The following MARCHF6 variants were observed in gnomAD, a reference collection of about 807,000 sequenced individuals.
MARCHF6 encodes membrane associated ring-CH-type finger 6, also known as E3 ubiquitin-protein ligase MARCHF6.
A neutral mutation model predicts 133.7 loss-of-function variants in MARCHF6; 31 were observed. The ratio of observed to expected loss-of-function variants is 0.23; its 90% CI spans 0.17 to 0.31. MARCHF6 has a LOEUF of 0.31. Among genes scored for constraint, MARCHF6 ranks in the 10% least tolerant of loss-of-function variants. The pLI is 1.00. For missense variants in MARCHF6, 723 were observed against 1,121.6 expected, an observed-to-expected ratio of 0.64 and a Z score of 5.08; for synonymous variants, 395 against 402.5, an observed-to-expected ratio of 0.98 and a Z score of 0.22.
Position 10,376,698 on chromosome 5 carries a change from G to A in MARCHF6, c.20-1100G>A, listed in dbSNP as rs569516043. Among the ~76,000 whole-genome samples the A allele has an allele frequency of 3.9e-5, 6 of 152,304 alleles. No individual in the cohort carries two copies. In the East Asian group the frequency reaches 1.2e-3, roughly 29 times the overall value. ...TAGATCTCTCCACCAGCCTAGAAAA[G>A]GCATGCACCCCACTCACAGAAGAGT... On this transcript the variant is annotated intron_variant, in intron 1 of 25. Transcript: ENST00000274140.
At chr5:10,373,254 A>G (rs141014918) in intron 1 of MARCHF6, among the ~76,000 whole-genome samples, 2 of 152,142 alleles carry the variant, frequency 1.3e-5, no homozygotes, top group East Asian at 1.9e-4. Flanking sequence ...TGTCATTCAG[A>G]AGGACAGGGG....
chr5:10,421,910 T>C (rs1298302000), intron 22 of MARCHF6: 1 of 152,258 alleles, frequency 6.6e-6, no homozygotes, highest in African/African-American at 2.4e-5. Flanking sequence ...GAGGAAATTA[T>C]AACAAGTGCT....
At chr5:10,427,938 C>T (rs968063139) in intron 24 of MARCHF6, among the ~76,000 whole-genome samples, 3 of 152,096 alleles carry the variant, frequency 2.0e-5, no homozygotes, top group East Asian at 1.9e-4. Context: ...GGAGTGGTGG[C>T]GCACACCTGT....
At chr5:10,368,290 C>T (rs1736257629) in intron 1 of MARCHF6, among the ~76,000 whole-genome samples, 3 of 152,140 alleles carry the variant, frequency 2.0e-5, no homozygotes, top group Non-Finnish European at 2.9e-5. Flanking sequence ...TAAGTTATGT[C>T]GTAGTCACAA....
At chr5:10,384,539 A>C (rs1249085535) in intron 4 of MARCHF6, among the ~76,000 whole-genome samples, 5 of 152,228 alleles carry the variant, frequency 3.3e-5, no homozygotes, top group African/African-American at 1.2e-4. Flanking sequence ...TGACTGTAGA[A>C]TGTGAGCATC....
In MARCHF6 at chr5:10,423,716, A is replaced by ATG; in HGVS notation, c.2284-18_2284-17dup. ...TTAAAAAACAACAGAAATATGTTAA[A>ATG]TGGTTTTTAATTCCCTAGGACTGGG... On this transcript the variant is annotated intron_variant, in intron 22 of 25. Transcript: ENST00000274140. 1 of 1,552,266 alleles carries ATG rather than the reference A, an allele frequency of 6.4e-7. No individual in the cohort carries two copies. Among genetic ancestry groups the ATG allele is most frequent in the Non-Finnish European group, 8.9e-7 (1 of 1,127,412 alleles).
intron 10 of MARCHF6, 26 bp from the exon 11 acceptor site, chr5:10,400,758 T>C (rs1305393367): frequency 6.4e-7 from 1 of 1,569,082 alleles, no homozygotes; most frequent in Admixed American, 1.7e-5. Flanking sequence ...GTCGGAGTTT[T>C]CATGGAATTT....
chr5:10,405,521 T>G (rs181615294), intron 15 of MARCHF6, 37 bp from the exon 16 acceptor site: 1 of 1,540,172 alleles, frequency 6.5e-7, no homozygotes, highest in Non-Finnish European at 8.8e-7. Context: ...TTTGAAGACA[T>G]TGGTGAATAT....
intron 3 of MARCHF6, among the ~76,000 whole-genome samples, chr5:10,379,669 G>GC (rs1419140738): frequency 6.6e-6 from 1 of 152,076 alleles, no homozygotes; most frequent in Admixed American, 6.5e-5. Flanking sequence ...CACCATGTTA[G>GC]CCAGGATGGT....
At chr5:10,386,007 C>T (rs763709929) in intron 4 of MARCHF6, among the ~76,000 whole-genome samples, 6 of 151,658 alleles carry the variant, frequency 4.0e-5, no homozygotes, top group African/African-American at 9.7e-5. Flanking sequence ...TTTCCATGTA[C>T]GTGAGTGTTG....
intron 1 of MARCHF6, among the ~76,000 whole-genome samples, chr5:10,355,816 A>G (rs1357910691): frequency 3.3e-5 from 5 of 152,238 alleles, no homozygotes; most frequent in Admixed American, 1.3e-4. Context: ...ATTCAGACTC[A>G]TGTCTGTCAG....
At chr5:10,388,043 A>C (rs1232195440) in intron 5 of MARCHF6, among the ~76,000 whole-genome samples, 1 of 152,244 alleles carries the variant, frequency 6.6e-6, no homozygotes, top group Non-Finnish European at 1.5e-5. Context: ...GATTATTAGA[A>C]TATAAATGCT....
In MARCHF6 at chr5:10,391,634, T is replaced by A; in HGVS notation, c.669T>A (p.Asp223Glu). The A allele has an allele frequency of 6.2e-7, 1 of 1,612,062 alleles. No individual in the cohort carries two copies. The highest frequency in any genetic ancestry group is 8.5e-7 in the Non-Finnish European group (1 of 1,179,250). The change falls in exon 7 of 26, where the codon GAT (aspartate) becomes GAA (glutamate). Residue 223 changes from aspartate (D) to glutamate (E), a missense_variant. Physicochemically the swap from Asp to Glu is conservative, Grantham distance 45. This residue lies in a region of MARCHF6 where 97 missense variants were observed against 115.4 expected (regional missense o/e 0.84). Transcript: ENST00000274140. ...AENAVVGENP[D>E]AQDDQAEEEE... The stretch of plus-strand genomic sequence containing the variant: ...ACGCAGTGGTGGGGGAAAACCCTGA[T>A]GCCCAGGATGACCAGGCAGAAGAGG...
chr5:10,432,334 G>A (rs1740411439), intron 25 of MARCHF6, among the ~76,000 whole-genome samples: 1 of 152,192 alleles, frequency 6.6e-6, no homozygotes, highest in Admixed American at 6.5e-5. Flanking sequence ...GGAAAGGGAC[G>A]AAGGAAAGCT....
intron 22 of MARCHF6, chr5:10,421,835 G>A (rs1347745292): frequency 1.3e-5 from 2 of 152,250 alleles, no homozygotes; most frequent in African/African-American, 2.4e-5. Context: ...GTCTGAAGAC[G>A]TAAAAGATCC....
At chr5:10,415,281 T>C (rs1416953590) in intron 20 of MARCHF6, among the ~76,000 whole-genome samples, 1 of 152,222 alleles carries the variant, frequency 6.6e-6, no homozygotes, top group African/African-American at 2.4e-5. Context: ...CTCGCCTCCA[T>C]TGAACTTACC....
chr5:10,358,432 T>G (rs959009074), intron 1 of MARCHF6, among the ~76,000 whole-genome samples: 2 of 152,194 alleles, frequency 1.3e-5, no homozygotes, highest in Non-Finnish European at 2.9e-5. Context: ...CATCTGTGGA[T>G]TCATCCAATG....
intron 11 of MARCHF6, 144 bp downstream of exon 11, chr5:10,400,986 T>A (rs905334192): frequency 3.6e-5 from 22 of 615,612 alleles, no homozygotes; most frequent in African/African-American, 2.1e-4. Context: ...CATTCTTTTT[T>A]AAAAAAAATA....
intron 1 of MARCHF6, among the ~76,000 whole-genome samples, chr5:10,355,572 T>G (rs910642929): frequency 6.6e-6 from 1 of 152,266 alleles, no homozygotes; most frequent in African/African-American, 2.4e-5. Context: ...AAAATTATAA[T>G]CAGGATAAGG....
Sources: allele counts gnomAD v4.1 joint callset (sites outside exome capture counted in the v4.1 genomes callset), GRCh38; gene constraint gnomAD v4.1.1; regional missense constraint gnomAD v4.1.1; transcripts MANE v1.5; gene names NCBI Gene and HGNC (gene_info 2026-07-23, HGNC 2026-07-21).